Variants in PDS5B observed in about 807,000 individuals in gnomAD.
PDS5B encodes PDS5 cohesin associated factor B.
In PDS5B, 51 loss-of-function variants were observed where a neutral mutation model predicts 184.1. That is an observed-to-expected ratio of 0.28 (90% CI 0.22 to 0.35). PDS5B has a LOEUF of 0.35. PDS5B is among the 10% of genes least tolerant of loss of function. The pLI, the probability that PDS5B is intolerant of heterozygous loss-of-function variation, is 1.00. For synonymous variants in PDS5B, 566 were observed against 569.2 expected, an observed-to-expected ratio of 0.99 and a Z score of 0.08; for missense variants, 1,180 against 1,723.3, an observed-to-expected ratio of 0.68 and a Z score of 5.58.
At chr13:32,672,136 TAC>T (rs925085718) in intron 7 of PDS5B, among the ~76,000 whole-genome samples, 16 of 152,240 alleles carry the variant, frequency 1.1e-4, no homozygotes, top group African/African-American at 3.1e-4. Context: ...TGTAGATATG[TAC>T]ACATCAGAAT....
chr13:32,721,187 A>C (rs902916191), intron 19 of PDS5B, among the ~76,000 whole-genome samples: 3 of 152,182 alleles, frequency 2.0e-5, no homozygotes, highest in Non-Finnish European at 4.4e-5. Flanking sequence ...GTGGCTGGGC[A>C]GAGGGGCTCC....
chr13:32,766,597 G>T (rs1221566238), intron 31 of PDS5B, among the ~76,000 whole-genome samples: 1 of 152,152 alleles, frequency 6.6e-6, no homozygotes, highest in Non-Finnish European at 1.5e-5. Flanking sequence ...AAAGAGCACG[G>T]TCTCATTTGC....
At chr13:32,611,479 A>G (rs2058140470) in intron 1 of PDS5B, among the ~76,000 whole-genome samples, 1 of 142,966 alleles carries the variant, frequency 7.0e-6, no homozygotes, top group Admixed American at 7.0e-5. Context: ...AAGACATTTG[A>G]TCATTTTATT....
chr13:32,729,728 G>A (rs1445242178), intron 19 of PDS5B, among the ~76,000 whole-genome samples: 1 of 151,908 alleles, frequency 6.6e-6, no homozygotes, highest in African/African-American at 2.4e-5. Flanking sequence ...TATGTTTGTT[G>A]GCCATATAAA....
intron 1 of PDS5B, among the ~76,000 whole-genome samples, chr13:32,596,028 A>G (rs1032062426): frequency 1.3e-5 from 2 of 152,234 alleles, no homozygotes; most frequent in African/African-American, 4.8e-5. Flanking sequence ...TTAATACAAT[A>G]TTAAGCTCAC....
intron 23 of PDS5B, 28 bp downstream of exon 23, chr13:32,742,755 T>C: frequency 6.3e-7 from 1 of 1,597,098 alleles, no homozygotes; most frequent in Non-Finnish European, 8.6e-7. Flanking sequence ...CACAGTTCTT[T>C]GGATTGCATA....
intron 1 of PDS5B, among the ~76,000 whole-genome samples, chr13:32,645,973 TGTG>T (rs886957828): frequency 1.3e-5 from 2 of 150,516 alleles, no homozygotes; most frequent in African/African-American, 4.9e-5. Flanking sequence ...TTCACTTTGA[TGTG>T]TGTGTGTGGG....
intron 31 of PDS5B, among the ~76,000 whole-genome samples, chr13:32,765,770 A>G (rs1485857663): frequency 1.3e-5 from 2 of 152,092 alleles, no homozygotes; most frequent in Non-Finnish European, 2.9e-5. Context: ...TGCGTAGCCA[A>G]TTTTTGTATT....
chr13:32,587,606 C>T (rs557711120), intron 1 of PDS5B, among the ~76,000 whole-genome samples: 3 of 152,274 alleles, frequency 2.0e-5, no homozygotes, highest in South Asian at 2.1e-4. Context: ...CCGCCCCTCG[C>T]CTTCGGAGCT....
At position 32,775,168 on chromosome 13, in the gene PDS5B, G is replaced by A. The variant is rs1954918350; in HGVS notation, c.*116G>A. ...ATGCACAAAATGGGACTGCTGAAGA[G>A]TGGACAGTTGGACCTTACTTTGGTG... On this transcript the variant is annotated 3_prime_UTR_variant, in exon 35 of 35. Transcript: ENST00000315596. 2 of 848,994 alleles carry A rather than the reference G, an allele frequency of 2.4e-6. No individual in the cohort carries two copies. Among genetic ancestry groups the A allele is most frequent in the South Asian group, 1.6e-5 (1 of 63,836 alleles). The allele number at this position is 848,994 out of a possible 1,614,324, so 52.6% of individuals were successfully genotyped here.
chr13:32,635,904 G>C (rs1487490019), intron 1 of PDS5B, among the ~76,000 whole-genome samples: 1 of 151,528 alleles, frequency 6.6e-6, no homozygotes, highest in Non-Finnish European at 1.5e-5. Flanking sequence ...GAGTAGCTGG[G>C]ACTACAAGTG....
intron 24 of PDS5B, among the ~76,000 whole-genome samples, chr13:32,749,240 C>T (rs575226876): frequency 9.9e-5 from 15 of 152,236 alleles, no homozygotes; most frequent in South Asian, 6.2e-4. Flanking sequence ...CTTTACTCTC[C>T]CATTTCCACA....
At chr13:32,667,730 G>T (rs1950839084) in intron 6 of PDS5B, 34 bp from the exon 7 acceptor site, 1 of 1,298,770 alleles carries the variant, frequency 7.7e-7, no homozygotes, top group Non-Finnish European at 1.1e-6. Context: ...CATAGTTAGA[G>T]ATATATAATA....
At chr13:32,693,102 T>C (rs1226679428) in intron 13 of PDS5B, among the ~76,000 whole-genome samples, 1 of 152,052 alleles carries the variant, frequency 6.6e-6, no homozygotes, top group Non-Finnish European at 1.5e-5. Flanking sequence ...TACAAATGAC[T>C]ACCCCGTTTC....
At chr13:32,739,895 G>A (rs900463553) in intron 21 of PDS5B, among the ~76,000 whole-genome samples, 6 of 151,944 alleles carry the variant, frequency 3.9e-5, no homozygotes, top group African/African-American at 2.4e-5. Context: ...TGTTTTTATT[G>A]TATCTTTTGT....
intron 1 of PDS5B, among the ~76,000 whole-genome samples, chr13:32,608,056 C>T (rs10161719): frequency 0.016 from 2,511 of 152,250 alleles, 66 homozygotes; most frequent in African/African-American, 0.056. Context: ...ACCCACTGTC[C>T]GACAAGCCCC....
intron 19 of PDS5B, 38 bp downstream of exon 19, chr13:32,710,144 A>G: frequency 7.6e-7 from 1 of 1,307,850 alleles, no homozygotes; most frequent in East Asian, 2.6e-5. Flanking sequence ...TCTGGACATC[A>G]GAAACATAAT....
rs1954306665 is a variant in PDS5B at position 32,759,671 on chromosome 13, C to T, written c.3353C>T (p.Ser1118Leu). ...TKNYLPPEMKSFFTPGKPKTT... is the reference protein window; with the variant it reads ...TKNYLPPEMKLFFTPGKPKTT... ...AATTATCTGCCTCCTGAAATGAAAT[C>T]ATTTTTCACTCCTGGAAAAGTATGT... is the stretch of plus-strand genomic sequence containing the variant. The change falls in exon 29 of 35, where the codon TCA (serine) becomes TTA (leucine). Residue 1118 changes from serine (S) to leucine (L), a missense_variant. Physicochemically the swap from Ser to Leu is moderately radical, Grantham distance 145. Around this residue, in one of 11 missense-constraint regions of PDS5B, gnomAD observed 465 missense variants for 497.8 expected, o/e 0.93. Coordinates refer to ENST00000315596, the MANE Select transcript of PDS5B (RefSeq NM_015032.4). 6.4e-7 allele frequency: 1 copy of T among 1,560,768 alleles called. No individual in the cohort carries two copies. Among genetic ancestry groups the T allele is most frequent in the African/African-American group, 1.4e-5 (1 of 73,674 alleles).
chr13:32,596,485 AGT>A, intron 1 of PDS5B, among the ~76,000 whole-genome samples: 1 of 152,292 alleles, frequency 6.6e-6, no homozygotes, highest in East Asian at 1.9e-4. Flanking sequence ...TCTTTTTGCA[AGT>A]GTGTGTTTTC....
Sources: gnomAD v4.1 joint callset for allele counts (sites outside exome capture counted in the v4.1 genomes callset) on GRCh38, gnomAD v4.1.1 for gene constraint, gnomAD v4.1.1 regional missense constraint, MANE v1.5 for transcripts, NCBI Gene and HGNC (gene_info 2026-07-23, HGNC 2026-07-21) for gene names.